MTUS2: variants seen among roughly 807,000 people sequenced by gnomAD.
MTUS2 encodes the protein microtubule associated scaffold protein 2, also known as microtubule-associated tumor suppressor candidate 2.
Under a neutral mutation model 114.1 loss-of-function variants are expected in MTUS2, and 40 were observed. The ratio of observed to expected loss-of-function variants is 0.35; its 90% confidence interval spans 0.27 to 0.46. The LOEUF (loss-of-function observed/expected upper bound fraction) is 0.46, where lower values mean the gene tolerates loss of function less well. MTUS2 is among the 20% of genes least tolerant of loss of function. MTUS2 has a pLI of 1.00. For missense variants in MTUS2, 1,679 were observed against 1,705.4 expected (o/e 0.98, Z 0.27); for synonymous variants, 688 against 672.0 (o/e 1.02, Z -0.37).
chr13:28,828,298 G>A (rs975100645), intron 1 of MTUS2, among the ~76,000 whole-genome samples: 1 of 152,156 alleles, frequency 6.6e-6, no homozygotes, highest in Non-Finnish European at 1.5e-5. Flanking sequence ...CTGTTATCCT[G>A]TTCTTTTTTC....
At chr13:28,839,701 T>C (rs1456203804) in intron 1 of MTUS2, 77 bp from the exon 2 acceptor site, 2 of 152,224 alleles carry the variant, frequency 1.3e-5, no homozygotes, top group Non-Finnish European at 2.9e-5. Flanking sequence ...TGAGAAGACC[T>C]ATTATAATAA....
intron 5 of MTUS2, among the ~76,000 whole-genome samples, chr13:29,237,494 A>G (rs149709864): frequency 0.014 from 2,147 of 152,238 alleles, 24 homozygotes; most frequent in Non-Finnish European, 0.023. Context: ...GGAATTCTCC[A>G]GGACCTGCAT....
intron 8 of MTUS2, among the ~76,000 whole-genome samples, chr13:29,401,110 C>T (rs1040661859): frequency 2.0e-5 from 3 of 152,170 alleles, no homozygotes; most frequent in African/African-American, 7.2e-5. Flanking sequence ...GCCTCATCCT[C>T]CTGAATACCT....
At chr13:29,245,603 C>T (rs1896892345) in intron 5 of MTUS2, among the ~76,000 whole-genome samples, 1 of 152,150 alleles carries the variant, frequency 6.6e-6, no homozygotes, top group Admixed American at 6.5e-5. Flanking sequence ...CCCTCTATCA[C>T]TTGCTAATCT....
intron 5 of MTUS2, among the ~76,000 whole-genome samples, chr13:29,161,176 A>T (rs1368003277): frequency 6.6e-6 from 1 of 152,250 alleles, no homozygotes; most frequent in Non-Finnish European, 1.5e-5. Flanking sequence ...GCATACACAC[A>T]AATGAGTTTA....
intron 1 of MTUS2, among the ~76,000 whole-genome samples, chr13:28,829,218 T>C (rs1033798721): frequency 2.0e-5 from 3 of 152,142 alleles, no homozygotes; most frequent in Admixed American, 2.0e-4. Flanking sequence ...CGCAGCTCCA[T>C]TGTAGCCTTC....
chr13:29,406,831 A>G (rs138125318), intron 8 of MTUS2, among the ~76,000 whole-genome samples: 2 of 152,364 alleles, frequency 1.3e-5, no homozygotes, highest in East Asian at 1.9e-4. Context: ...ATCATCCTAC[A>G]TACAAACTTA....
At chr13:29,428,580 G>C in intron 8 of MTUS2, 1 of 810,590 alleles carries the variant, frequency 1.2e-6, no homozygotes. Flanking sequence ...CCTCCTGCCT[G>C]TCCCCTCCCT....
At chr13:28,953,732 T>A (rs1452508129) in intron 2 of MTUS2, among the ~76,000 whole-genome samples, 1 of 152,224 alleles carries the variant, frequency 6.6e-6, no homozygotes, top group Non-Finnish European at 1.5e-5. Flanking sequence ...CCCTAGATTT[T>A]CTTCTTAAGA....
At chr13:29,087,897 A>G (rs1160669838) in intron 4 of MTUS2, among the ~76,000 whole-genome samples, 1 of 152,038 alleles carries the variant, frequency 6.6e-6, no homozygotes, top group Non-Finnish European at 1.5e-5. Flanking sequence ...TCTTTTCTAA[A>G]AACACAAAAA....
intron 2 of MTUS2, among the ~76,000 whole-genome samples, chr13:28,981,717 A>G (rs973964758): frequency 2.0e-5 from 3 of 152,096 alleles, no homozygotes; most frequent in Admixed American, 6.5e-5. Context: ...CCTCCTGCCC[A>G]GTGACCCCTG....
chr13:29,062,872 T>C (rs1452691227), intron 4 of MTUS2, among the ~76,000 whole-genome samples: 1 of 152,246 alleles, frequency 6.6e-6, no homozygotes, highest in Non-Finnish European at 1.5e-5. Flanking sequence ...TTGATGTGAC[T>C]GTATCTTCTG....
chr13:28,956,525 C>T (rs1040840036), intron 2 of MTUS2, among the ~76,000 whole-genome samples: 6 of 152,112 alleles, frequency 3.9e-5, no homozygotes, highest in African/African-American at 1.4e-4. Context: ...GGATAGAATC[C>T]TGTAGAATTG....
intron 2 of MTUS2, among the ~76,000 whole-genome samples, chr13:28,878,233 G>GTA (rs1555269803): frequency 1.5e-4 from 23 of 150,826 alleles, no homozygotes; most frequent in Non-Finnish European, 2.7e-4. Context: ...GTGTGTGTGT[G>GTA]TATATATATG....
At chr13:29,417,370 G>A (rs756502822) in intron 8 of MTUS2, among the ~76,000 whole-genome samples, 3 of 152,194 alleles carry the variant, frequency 2.0e-5, no homozygotes, top group Non-Finnish European at 4.4e-5. Flanking sequence ...AGGAGATTTA[G>A]AGAGGGTGAA....
intron 2 of MTUS2, among the ~76,000 whole-genome samples, chr13:28,933,884 G>C (rs989931084): frequency 2.0e-5 from 3 of 152,216 alleles, no homozygotes; most frequent in Non-Finnish European, 2.9e-5. Context: ...TCAATGAGCT[G>C]CAGCTTATAT....
At chr13:28,932,884 T>C (rs1881689904) in intron 2 of MTUS2, among the ~76,000 whole-genome samples, 1 of 152,164 alleles carries the variant, frequency 6.6e-6, no homozygotes, top group Non-Finnish European at 1.5e-5. Flanking sequence ...GCTTGACTCT[T>C]AGAAGATGAT....
chr13:29,006,171 G>A (rs2138402442), intron 2 of MTUS2, among the ~76,000 whole-genome samples: 1 of 152,320 alleles, frequency 6.6e-6, no homozygotes, highest in South Asian at 2.1e-4. Context: ...TTGAGAGTGG[G>A]TAGATGAAGG....
chr13:29,470,442 C>T (rs937839263), intron 9 of MTUS2, among the ~76,000 whole-genome samples: 9 of 152,194 alleles, frequency 5.9e-5, no homozygotes, highest in Non-Finnish European at 1.0e-4. Flanking sequence ...GTCAATTTGT[C>T]TTTGCCTCCC....
Sources: gnomAD v4.1 joint callset for allele counts (sites outside exome capture counted in the v4.1 genomes callset) on GRCh38, gnomAD v4.1.1 for gene constraint, MANE v1.5 for transcripts, NCBI Gene and HGNC (gene_info 2026-07-23, HGNC 2026-07-21) for gene names.